The following LINGO2 variants were observed in gnomAD, a reference collection of about 807,000 sequenced individuals.
LINGO2 encodes leucine rich repeat and Ig domain containing 2, also known as leucine-rich repeat and immunoglobulin-like domain-containing nogo receptor-interacting protein 2.
LINGO2 carries 14 observed loss-of-function variants against 30.6 expected under a neutral mutation model. That is an observed-to-expected ratio of 0.46 (90% CI 0.30 to 0.72). The LOEUF (loss-of-function observed/expected upper bound fraction) is 0.72, where lower values mean the gene tolerates loss of function less well. Ranked by LOEUF, LINGO2 falls within the 30% of genes least tolerant of loss-of-function variation. LINGO2 has a pLI of 0.07. For synonymous variants in LINGO2, 317 were observed against 288.5 expected (o/e 1.10, Z -1.00); for missense variants, 729 against 751.7 (o/e 0.97, Z 0.35).
chr9:28,632,740 T>TAATATAGAGATC lies in LINGO2; in HGVS notation c.-365+37459_-365+37460insGATCTCTATATT, dbSNP rs1563878602. 2.0e-3 allele frequency among the ~76,000 whole-genome samples: 264 copies of TAATATAGAGATC among 134,442 alleles called. 2 individuals carry two copies. The highest frequency in any genetic ancestry group is 7.2e-3 in the African/African-American group (253 of 35,260). The allele number at this position is 134,442 out of a possible 152,430, so 88.2% of individuals were successfully genotyped here. On this transcript the variant is annotated intron_variant, in intron 1 of 5. Transcript: ENST00000379992. ...TAGATCTATATATAGATCTATATAT[T>TAATATAGAGATC]TATATATAGATCTATATATATAGAT...
the LINGO2 span, among the ~76,000 whole-genome samples, chr9:29,148,228 C>T: frequency 6.6e-6 from 1 of 152,016 alleles, no homozygotes; most frequent in Admixed American, 6.6e-5. Flanking sequence ...ATTAATAACA[C>T]CCATCATCCT....
the LINGO2 span, among the ~76,000 whole-genome samples, chr9:29,048,335 A>C: frequency 9.3e-4 from 142 of 152,108 alleles, no homozygotes; most frequent in African/African-American, 3.2e-3. Context: ...AAAAGAAAAA[A>C]GGAAAAATAT....
chr9:28,735,950 G>A, the LINGO2 span, among the ~76,000 whole-genome samples: 1 of 152,162 alleles, frequency 6.6e-6, no homozygotes, highest in East Asian at 1.9e-4. Context: ...TCCTCAGTGA[G>A]CTGTGTAGAT....
chr9:27,957,966 A>T (rs1451517661), intron 5 of LINGO2, among the ~76,000 whole-genome samples: 1 of 152,106 alleles, frequency 6.6e-6, no homozygotes, highest in African/African-American at 2.4e-5. Context: ...TGTCTTTCGC[A>T]TTTGTTAGTA....
intron 2 of LINGO2, among the ~76,000 whole-genome samples, chr9:28,433,949 C>CTCTCTCTCTA (rs1225323260): frequency 2.3e-5 from 2 of 88,474 alleles, no homozygotes; most frequent in African/African-American, 4.5e-5. Flanking sequence ...CTCTCTCTCT[C>CTCTCTCTCTA]TATATATATA....
chr9:28,663,185 G>A (rs2136016458), intron 1 of LINGO2, among the ~76,000 whole-genome samples: 1 of 152,068 alleles, frequency 6.6e-6, no homozygotes, highest in African/African-American at 2.4e-5. Flanking sequence ...GTTGTTGTTG[G>A]TGGGGAACGG....
chr9:29,049,422 C>T, the LINGO2 span, among the ~76,000 whole-genome samples: 1 of 152,108 alleles, frequency 6.6e-6, no homozygotes, highest in Non-Finnish European at 1.5e-5. Context: ...AATAGAGCTA[C>T]CACATGGTCC....
chr9:27,985,268 T>A (rs1047432886), intron 5 of LINGO2, among the ~76,000 whole-genome samples: 1 of 151,936 alleles, frequency 6.6e-6, no homozygotes, highest in Non-Finnish European at 1.5e-5. Flanking sequence ...GAATCTGCTG[T>A]GATGTGAAAG....
the LINGO2 span, among the ~76,000 whole-genome samples, chr9:28,873,068 T>A: frequency 6.6e-6 from 1 of 152,046 alleles, no homozygotes; most frequent in South Asian, 2.1e-4. Flanking sequence ...AGATCAACAT[T>A]CTCTACTAGT....
chr9:29,162,054 A>C, the LINGO2 span, among the ~76,000 whole-genome samples: 5 of 151,852 alleles, frequency 3.3e-5, no homozygotes, highest in East Asian at 9.8e-4. Flanking sequence ...CGAGTAGCTG[A>C]GACTACAGGC....
intron 5 of LINGO2, among the ~76,000 whole-genome samples, chr9:27,977,877 T>C (rs745573881): frequency 2.6e-5 from 4 of 151,866 alleles, no homozygotes; most frequent in African/African-American, 4.8e-5. Context: ...AAGAAATAGA[T>C]CTCATATTAA....
At chr9:28,768,765 C>T in the LINGO2 span, among the ~76,000 whole-genome samples, 1 of 151,972 alleles carries the variant, frequency 6.6e-6, no homozygotes, top group Admixed American at 6.6e-5. Flanking sequence ...ATGGCTTTTA[C>T]TGAACTTCTT....
chr9:29,016,644 C>T, the LINGO2 span, among the ~76,000 whole-genome samples: 7 of 152,084 alleles, frequency 4.6e-5, no homozygotes. Context: ...CTTACATTAA[C>T]CCAAACTTTC....
intron 4 of LINGO2, among the ~76,000 whole-genome samples, chr9:28,178,077 A>C (rs1262041206): frequency 6.6e-6 from 1 of 152,118 alleles, no homozygotes; most frequent in Non-Finnish European, 1.5e-5. Context: ...AGGAGCTATG[A>C]AGCCTACTAT....
intron 4 of LINGO2, among the ~76,000 whole-genome samples, chr9:28,061,704 A>G (rs534005737): frequency 2.0e-5 from 3 of 152,196 alleles, no homozygotes; most frequent in East Asian, 3.9e-4. Flanking sequence ...TCTGAATAGT[A>G]GAATTTTTCA....
At chr9:27,950,202 G>C in exon 6 of LINGO2, 2 of 1,613,994 alleles carry the variant, frequency 1.2e-6, no homozygotes, top group Non-Finnish European at 1.7e-6. Context: ...CACTTCTAGA[G>C]ACTTCAGGTT....
intron 4 of LINGO2, among the ~76,000 whole-genome samples, chr9:28,145,327 T>G (rs1587077287): frequency 6.6e-6 from 1 of 152,326 alleles, no homozygotes; most frequent in East Asian, 1.9e-4. Context: ...TAGTCTAAAC[T>G]ATGAGGTACT....
At chr9:28,825,074 A>G in the LINGO2 span, among the ~76,000 whole-genome samples, 1 of 152,120 alleles carries the variant, frequency 6.6e-6, no homozygotes, top group African/African-American at 2.4e-5. Context: ...ATTTGGCCCA[A>G]AAGTGTAAGT....
intron 4 of LINGO2, among the ~76,000 whole-genome samples, chr9:28,028,724 A>G (rs1236423568): frequency 6.6e-6 from 1 of 152,134 alleles, no homozygotes; most frequent in African/African-American, 2.4e-5. Context: ...GCAAATTGTT[A>G]TATTGTATTT....
Sources: allele counts gnomAD v4.1 joint callset (sites outside exome capture counted in the v4.1 genomes callset), GRCh38; gene constraint gnomAD v4.1.1; transcripts MANE v1.5; gene names NCBI Gene and HGNC (gene_info 2026-07-23, HGNC 2026-07-21).